The following SMC6 variants were observed in gnomAD, a reference collection of about 807,000 sequenced individuals.
SMC6 encodes structural maintenance of chromosomes 6.
SMC6 carries 79 observed loss-of-function variants against 142.2 expected under a neutral mutation model. The observed-to-expected ratio is 0.56, with a 90% confidence interval of 0.46 to 0.67. The LOEUF is 0.67. Among genes scored for constraint, SMC6 ranks in the 30% least tolerant of loss-of-function variants. The pLI, the probability that SMC6 is intolerant of heterozygous loss-of-function variation, is 0.00. For synonymous variants in SMC6, 411 were observed against 412.4 expected (o/e 1.00, Z 0.04); for missense variants, 1,072 against 1,284.0 (o/e 0.83, Z 2.52).
chr2:17,738,156 G>A, intron 5 of SMC6, 65 bp downstream of exon 5: 1 of 1,185,850 alleles, frequency 8.4e-7, no homozygotes, highest in Non-Finnish European at 1.2e-6. Flanking sequence ...ATGTGAACTG[G>A]GAATCTAAAG....
chr2:17,697,352 A>C (rs181930102), intron 21 of SMC6, among the ~76,000 whole-genome samples: 2 of 152,200 alleles, frequency 1.3e-5, no homozygotes, highest in Admixed American at 1.3e-4. Context: ...ACTATAAGTG[A>C]GTTTAGAAAG....
At chr2:17,705,681 C>T (rs1261476243) in intron 18 of SMC6, among the ~76,000 whole-genome samples, 1 of 152,144 alleles carries the variant, frequency 6.6e-6, no homozygotes, top group Non-Finnish European at 1.5e-5. Flanking sequence ...TTTTTCTGAA[C>T]ATATAGAATA....
intron 7 of SMC6, among the ~76,000 whole-genome samples, chr2:17,729,545 C>T (rs997491867): frequency 6.6e-6 from 1 of 151,786 alleles, no homozygotes; most frequent in Non-Finnish European, 1.5e-5. Flanking sequence ...CAAGCACTTG[C>T]ACAAGAAAAC....
chr2:17,709,257 T>G (rs1219813036), intron 16 of SMC6, among the ~76,000 whole-genome samples: 3 of 152,126 alleles, frequency 2.0e-5, no homozygotes, highest in Non-Finnish European at 4.4e-5. Context: ...AGTCAATTAT[T>G]TAAAATTCAT....
chr2:17,715,608 A>C (rs1669044954), intron 15 of SMC6, among the ~76,000 whole-genome samples: 1 of 152,168 alleles, frequency 6.6e-6, no homozygotes, highest in African/African-American at 2.4e-5. Context: ...CCCCAAGAAC[A>C]CGTGACTAAA....
intron 26 of SMC6, 95 bp downstream of exon 26, chr2:17,670,328 T>G: frequency 7.9e-7 from 1 of 1,271,250 alleles, no homozygotes; most frequent in Non-Finnish European, 1.1e-6. Flanking sequence ...ATCTTTCCTG[T>G]TAGGGGTAAA....
intron 23 of SMC6, 35 bp from the exon 24 acceptor site, chr2:17,683,798 A>T: frequency 6.3e-7 from 1 of 1,581,512 alleles, no homozygotes; most frequent in Non-Finnish European, 8.7e-7. Context: ...TAAAAAATAC[A>T]CCACACGTAA....
chr2:17,688,971 G>A (rs1465957396), intron 23 of SMC6, among the ~76,000 whole-genome samples: 2 of 152,218 alleles, frequency 1.3e-5, no homozygotes, highest in South Asian at 2.1e-4. Context: ...ATCATTAGCA[G>A]AGGATAAATC....
intron 26 of SMC6, 65 bp from the exon 27 acceptor site, chr2:17,666,582 T>C: frequency 8.3e-7 from 1 of 1,199,028 alleles, no homozygotes; most frequent in Non-Finnish European, 1.2e-6. Flanking sequence ...AAAGCAGCAT[T>C]CTGTGGGCTG....
intron 18 of SMC6, among the ~76,000 whole-genome samples, chr2:17,705,818 C>A (rs754670137): frequency 1.3e-5 from 2 of 151,970 alleles, no homozygotes; most frequent in Non-Finnish European, 2.9e-5. Context: ...TGAGTTTTTA[C>A]ATAGAGAACA....
At chr2:17,692,506 T>C (rs943039109) in intron 23 of SMC6, among the ~76,000 whole-genome samples, 2 of 152,178 alleles carry the variant, frequency 1.3e-5, no homozygotes, top group Non-Finnish European at 2.9e-5. Flanking sequence ...TAGCCATATG[T>C]AGAAAGCTGA....
At chr2:17,701,033 AAAT>A (rs61348893) in intron 20 of SMC6, among the ~76,000 whole-genome samples, 60,845 of 143,960 alleles carry the variant, frequency 0.42, 14,961 homozygotes, top group East Asian at 0.78. Flanking sequence ...CTCCGTCTCA[AAAT>A]AATAATAATA....
intron 18 of SMC6, among the ~76,000 whole-genome samples, chr2:17,704,471 C>G (rs6716388): frequency 0.51 from 77,889 of 152,008 alleles, 22,650 homozygotes; most frequent in African/African-American, 0.78. Flanking sequence ...GGCTTCAGAA[C>G]TGATCTTTTC....
At chr2:17,668,707 C>CA (rs931211228) in intron 26 of SMC6, among the ~76,000 whole-genome samples, 2 of 152,028 alleles carry the variant, frequency 1.3e-5, no homozygotes, top group Non-Finnish European at 2.9e-5. Flanking sequence ...GGCATTTGAA[C>CA]AATGTCCTGA....
At chr2:17,678,817 A>G (rs531426924) in intron 25 of SMC6, 42 bp downstream of exon 25, 4 of 1,368,688 alleles carry the variant, frequency 2.9e-6, no homozygotes, top group Non-Finnish European at 3.1e-6. Flanking sequence ...AGAAACAACT[A>G]GTTTTTCTAA....
chr2:17,681,761 C>A (rs983012140), intron 24 of SMC6: 1 of 152,022 alleles, frequency 6.6e-6, no homozygotes, highest in Non-Finnish European at 1.5e-5. Flanking sequence ...CAGATCACTA[C>A]AACAGATTAA....
chr2:17,688,716 TAACTTTAC>T, intron 23 of SMC6, among the ~76,000 whole-genome samples: 1 of 152,294 alleles, frequency 6.6e-6, no homozygotes, highest in East Asian at 1.9e-4. Context: ...CTAATCCAAG[TAACTTTAC>T]AACACAGTAA....
intron 23 of SMC6, among the ~76,000 whole-genome samples, chr2:17,693,517 G>A (rs890547965): frequency 6.6e-6 from 1 of 151,986 alleles, no homozygotes; most frequent in Non-Finnish European, 1.5e-5. Context: ...GACACAGGAA[G>A]GGGAACATCA....
At position 17,742,607 on chromosome 2, in the gene SMC6, G is replaced by A. The variant is rs192233231; in HGVS notation, c.121-878C>T. Among the ~76,000 whole-genome samples, 12 of 151,820 alleles carry A rather than the reference G, an allele frequency of 7.9e-5. No individual in the cohort carries two copies. In the East Asian group the frequency reaches 2.1e-3, roughly 27 times the overall value. On this transcript the variant is annotated intron_variant, in intron 3 of 27. Transcript: ENST00000448223. ...TTTGAAGACCATTTTCAAGTCTCCA[G>A]GTATTTTAAAGATTTCTTTAAAAAC...
Sources: allele counts gnomAD v4.1 joint callset (sites outside exome capture counted in the v4.1 genomes callset), GRCh38; gene constraint gnomAD v4.1.1; transcripts MANE v1.5; gene names NCBI Gene and HGNC (gene_info 2026-07-23, HGNC 2026-07-21).